Variants in PACRG observed in about 807,000 individuals in gnomAD.
PACRG encodes parkin coregulated, also known as parkin coregulated gene protein.
Under a neutral mutation model 29.7 loss-of-function variants are expected in PACRG, and 29 were observed. The observed-to-expected ratio is 0.98, with a 90% CI of 0.73 to 1.33. The LOEUF (loss-of-function observed/expected upper bound fraction) is 1.33, where lower values mean the gene tolerates loss of function less well. Ranked by LOEUF, PACRG falls within the 40% of genes most tolerant of loss-of-function variation. PACRG has a pLI of 0.00. For synonymous variants in PACRG, 116 were observed against 118.7 expected (o/e 0.98, Z 0.15); for missense variants, 279 against 316.2 (o/e 0.88, Z 0.89).
chr6:163,233,384 A>G (rs1166520986), intron 4 of PACRG, among the ~76,000 whole-genome samples: 2 of 152,232 alleles, frequency 1.3e-5, no homozygotes, highest in Non-Finnish European at 2.9e-5. Context: ...GGCATTTTAC[A>G]GTTGACCTAG....
intron 2 of PACRG, among the ~76,000 whole-genome samples, chr6:163,031,229 C>A (rs919692845): frequency 6.6e-6 from 1 of 152,148 alleles, no homozygotes; most frequent in Non-Finnish European, 1.5e-5. Flanking sequence ...TATTCTACAA[C>A]AATAAAGCCA....
chr6:163,272,017 C>CT (rs1205942802), intron 4 of PACRG, among the ~76,000 whole-genome samples: 1 of 147,878 alleles, frequency 6.8e-6, no homozygotes, highest in African/African-American at 2.5e-5. Context: ...GTTTTCTTTT[C>CT]TTTTCATTTC....
chr6:162,792,904 G>C (rs1785072744), intron 1 of PACRG, among the ~76,000 whole-genome samples: 1 of 152,168 alleles, frequency 6.6e-6, no homozygotes, highest in African/African-American at 2.4e-5. Context: ...AGGTGACCTA[G>C]TGTTTACACT....
chr6:163,161,175 G>A (rs1327855094), intron 4 of PACRG, among the ~76,000 whole-genome samples: 1 of 151,914 alleles, frequency 6.6e-6, no homozygotes, highest in Non-Finnish European at 1.5e-5. Context: ...CAATCCCATA[G>A]CTTGGAGTTC....
At chr6:162,947,621 T>TATATATATATATATATAATC (rs1799307743) in intron 2 of PACRG, among the ~76,000 whole-genome samples, 3 of 47,936 alleles carry the variant, frequency 6.3e-5, no homozygotes, top group African/African-American at 1.6e-4. Flanking sequence ...CATATATATA[T>TATATATATATATATATAATC]ATATATATAT....
At position 162,839,912 on chromosome 6, in the gene PACRG, G is replaced by A. The variant is rs1332625693; in HGVS notation, c.291+25631G>A. ...AAAGATCAGATAGTTGTAGATATGC[G>A]GCGTTATTTCTGAGGGCTCTGTTCT... On this transcript the variant is annotated intron_variant, in intron 2 of 4. Transcript: ENST00000366888. 2.9e-3 allele frequency among the ~76,000 whole-genome samples: 389 copies of A among 134,516 alleles called. 6 individuals carry two copies. Among genetic ancestry groups the A allele is most frequent in the African/African-American group, 0.01 (369 of 36,084 alleles). 88.2% of individuals were successfully genotyped at this position (134,516 alleles called of 152,430 possible). A position where few individuals can be genotyped will look rare whatever the true frequency, so the allele number is the denominator to read the frequency against.
chr6:163,278,398 A>G (rs1042258231), intron 4 of PACRG, among the ~76,000 whole-genome samples: 3 of 152,136 alleles, frequency 2.0e-5, no homozygotes, highest in African/African-American at 4.8e-5. Context: ...TTGGTCATGA[A>G]GTCTTTGTCT....
At chr6:162,989,916 G>A (rs1008590534) in intron 2 of PACRG, among the ~76,000 whole-genome samples, 4 of 151,942 alleles carry the variant, frequency 2.6e-5, no homozygotes, top group African/African-American at 7.3e-5. Flanking sequence ...AGTCCCCAGA[G>A]TGTGATGTTC....
chr6:163,249,035 A>T (rs892967480), intron 4 of PACRG, among the ~76,000 whole-genome samples: 7 of 143,098 alleles, frequency 4.9e-5, no homozygotes, highest in African/African-American at 1.8e-4. Context: ...AAAAAAAAAA[A>T]AAAGACAAAG....
intron 3 of PACRG, among the ~76,000 whole-genome samples, chr6:163,078,447 G>A (rs1204589243): frequency 6.7e-6 from 1 of 149,846 alleles, no homozygotes; most frequent in Non-Finnish European, 1.5e-5. Context: ...AGGTTGCAGT[G>A]AGCTGCACTG....
chr6:163,292,572 TGTA>T (rs372839679), intron 4 of PACRG, among the ~76,000 whole-genome samples: 3 of 144,954 alleles, frequency 2.1e-5, no homozygotes, highest in African/African-American at 7.9e-5. Context: ...AGCTAATTTA[TGTA>T]TTATTTATTT....
At chr6:162,802,059 G>A (rs562392999) in intron 1 of PACRG, among the ~76,000 whole-genome samples, 42 of 152,210 alleles carry the variant, frequency 2.8e-4, no homozygotes, top group Non-Finnish European at 4.1e-4. Flanking sequence ...CCTTCAGATC[G>A]AAGAGGTTTA....
intron 2 of PACRG, among the ~76,000 whole-genome samples, chr6:163,024,542 C>T (rs943605484): frequency 1.3e-5 from 2 of 152,100 alleles, no homozygotes; most frequent in Non-Finnish European, 1.5e-5. Context: ...TGCTTAGAAG[C>T]GCTTTGGCTA....
chr6:162,760,850 A>G (rs1782299428), intron 1 of PACRG, among the ~76,000 whole-genome samples: 2 of 152,296 alleles, frequency 1.3e-5, no homozygotes, highest in South Asian at 4.1e-4. Flanking sequence ...CTCTGTGGTG[A>G]AACAGGGAGA....
intron 2 of PACRG, among the ~76,000 whole-genome samples, chr6:162,984,628 C>A (rs1273924933): frequency 1.3e-5 from 2 of 151,964 alleles, no homozygotes; most frequent in African/African-American, 2.4e-5. Context: ...AGTTTACATT[C>A]CCATCAACAG....
chr6:162,766,130 C>G (rs1457309939), intron 1 of PACRG, among the ~76,000 whole-genome samples: 1 of 152,144 alleles, frequency 6.6e-6, no homozygotes, highest in Non-Finnish European at 1.5e-5. Context: ...TTATGATTAA[C>G]TATAGTCACA....
intron 2 of PACRG, among the ~76,000 whole-genome samples, chr6:163,032,412 G>T (rs1269215911): frequency 6.6e-6 from 1 of 152,094 alleles, no homozygotes; most frequent in Non-Finnish European, 1.5e-5. Context: ...ACCTGTCAAA[G>T]CCCTATAGCT....
chr6:163,124,876 G>T (rs948726503), intron 4 of PACRG, among the ~76,000 whole-genome samples: 4 of 152,168 alleles, frequency 2.6e-5, no homozygotes, highest in Admixed American at 6.5e-5. Flanking sequence ...CTATATATAG[G>T]CATCATGTAA....
intron 4 of PACRG, among the ~76,000 whole-genome samples, chr6:163,205,023 T>C (rs1429684775): frequency 6.6e-6 from 1 of 152,074 alleles, no homozygotes; most frequent in Non-Finnish European, 1.5e-5. Context: ...AGGTGAAAGA[T>C]CTCTGCAGTG....
Sources: allele counts gnomAD v4.1 joint callset (sites outside exome capture counted in the v4.1 genomes callset), GRCh38; gene constraint gnomAD v4.1.1; transcripts MANE v1.5; gene names NCBI Gene and HGNC (gene_info 2026-07-23, HGNC 2026-07-21).